Variants in SGCZ observed in about 807,000 individuals in gnomAD.
The protein encoded by SGCZ is zeta-sarcoglycan.
Under a neutral mutation model 41.3 loss-of-function variants are expected in SGCZ, and 40 were observed. That is an observed-to-expected ratio of 0.97 (90% confidence interval 0.75 to 1.26). SGCZ has a LOEUF of 1.26. Ranked by LOEUF, SGCZ falls within the 50% of genes most tolerant of loss-of-function variation. The pLI is 0.00. For synonymous variants in SGCZ, 206 were observed against 137.5 expected, an observed-to-expected ratio of 1.50 and a Z score of -3.49; for missense variants, 552 against 369.8, an observed-to-expected ratio of 1.49 and a Z score of -4.04.
rs117088796 is a variant in SGCZ, at chr8:15,083,799, C to T, written c.39+153786G>A. ...TTTTGAGATGGGGTCTCCCTACGTTCCCCAGGCTGGTCTCTAGCTCTTGGG... is the reference window on the plus strand; with the variant it reads ...TTTTGAGATGGGGTCTCCCTACGTTTCCCAGGCTGGTCTCTAGCTCTTGGG... On this transcript the variant is annotated intron_variant, in intron 1 of 7. Transcript: ENST00000382080. Among the ~76,000 whole-genome samples the T allele has an allele frequency of 8.1e-3, 1,231 of 152,112 alleles. 10 individuals are homozygous for T. The highest frequency in any genetic ancestry group is 0.014 in the Non-Finnish European group (967 of 67,984).
intron 2 of SGCZ, among the ~76,000 whole-genome samples, chr8:14,402,282 CTTGAGTTTAATTAGATCCCA>C (rs772930397): frequency 2.0e-5 from 3 of 151,334 alleles, no homozygotes; most frequent in East Asian, 3.9e-4. Flanking sequence ...TGCAGAAGCT[CTTGAGTTTAATTAGATCCCA>C]TTTGTCAATT....
intron 1 of SGCZ, among the ~76,000 whole-genome samples, chr8:15,150,108 G>C (rs907375103): frequency 3.6e-4 from 55 of 152,178 alleles, no homozygotes; most frequent in African/African-American, 1.2e-3. Flanking sequence ...TGTGGCTTGT[G>C]GATTTTTGAG....
intron 1 of SGCZ, among the ~76,000 whole-genome samples, chr8:14,924,617 G>A (rs978359378): frequency 3.3e-5 from 5 of 151,864 alleles, no homozygotes; most frequent in Admixed American, 1.3e-4. Context: ...AAAAACTAGT[G>A]TTCATGGTGG....
intron 3 of SGCZ, among the ~76,000 whole-genome samples, chr8:14,270,561 T>A (rs1332150935): frequency 1.3e-5 from 2 of 152,130 alleles, no homozygotes; most frequent in Non-Finnish European, 2.9e-5. Context: ...CTTTACTTAT[T>A]CCCTGAAGGG....
intron 2 of SGCZ, among the ~76,000 whole-genome samples, chr8:14,496,257 C>A (rs529665836): frequency 1.3e-5 from 2 of 151,800 alleles, no homozygotes; most frequent in South Asian, 4.2e-4. Flanking sequence ...TTTGGAGAGA[C>A]AAAAATCCAC....
intron 1 of SGCZ, among the ~76,000 whole-genome samples, chr8:15,211,806 T>A (rs752040511): frequency 6.6e-6 from 1 of 152,150 alleles, no homozygotes; most frequent in African/African-American, 2.4e-5. Context: ...CAGACTGATT[T>A]TTTAGTAGGA....
At position 14,449,792 on chromosome 8, in the gene SGCZ, T is replaced by C. The variant is rs184252121; in HGVS notation, c.234+104940A>G. On this transcript the variant is annotated intron_variant, in intron 2 of 7. Transcript: ENST00000382080. ...TTAAACTGAGAACACCTCTACTCTT[T>C]TGGCTTTGGGAACAAAGTACCTGAT... Among the ~76,000 whole-genome samples, 9 of 152,238 alleles carry C rather than the reference T, an allele frequency of 5.9e-5. No individual in the cohort carries two copies. In the East Asian group the frequency reaches 1.2e-3, roughly 20 times the overall value.
intron 1 of SGCZ, among the ~76,000 whole-genome samples, chr8:15,151,380 C>T (rs1372808024): frequency 6.6e-6 from 1 of 152,096 alleles, no homozygotes; most frequent in African/African-American, 2.4e-5. Context: ...ATTTGATATG[C>T]TACAATAGAT....
chr8:14,503,534 T>C (rs943483388), intron 2 of SGCZ, among the ~76,000 whole-genome samples: 14 of 151,620 alleles, frequency 9.2e-5, no homozygotes, highest in African/African-American at 2.7e-4. Flanking sequence ...CTTTAGGAGG[T>C]TGAGGCAGGC....
At chr8:14,551,580 A>ATATATAAT (rs1803859522) in intron 2 of SGCZ, among the ~76,000 whole-genome samples, 2 of 24,542 alleles carry the variant, frequency 8.1e-5, no homozygotes, top group South Asian at 8.9e-4. Context: ...ATATATATAT[A>ATATATAAT]ATATATATAA....
At chr8:15,073,643 T>C (rs942886811) in intron 1 of SGCZ, among the ~76,000 whole-genome samples, 2 of 152,088 alleles carry the variant, frequency 1.3e-5, no homozygotes, top group African/African-American at 4.8e-5. Flanking sequence ...AAGGCTAAGG[T>C]AAGGACTGAA....
chr8:14,268,584 G>A (rs1165848876), intron 3 of SGCZ, among the ~76,000 whole-genome samples: 2 of 151,700 alleles, frequency 1.3e-5, no homozygotes, highest in Non-Finnish European at 2.9e-5. Flanking sequence ...ATTTAAACAA[G>A]TATTGGTTAT....
rs181590458 is a variant in SGCZ at position 15,151,025 on chromosome 8, A to G, written c.39+86560T>C. ...CTAAGTGGTGGACCTATTGGCTTCT[A>G]TCTTACGTTCTATCTCTTTCTCTGA... is the stretch of plus-strand genomic sequence containing the variant. On this transcript the variant is annotated intron_variant, in intron 1 of 7. Transcript: ENST00000382080. Among the ~76,000 whole-genome samples the G allele has an allele frequency of 3.3e-5, 5 of 152,294 alleles. No individual in the cohort carries two copies. In the East Asian group the frequency reaches 9.6e-4, roughly 29 times the overall value.
chr8:14,903,154 G>C (rs897808461), intron 1 of SGCZ, among the ~76,000 whole-genome samples: 1 of 152,014 alleles, frequency 6.6e-6, no homozygotes, highest in East Asian at 1.9e-4. Context: ...TATATCATCT[G>C]CCTCAATGAC....
intron 2 of SGCZ, among the ~76,000 whole-genome samples, chr8:14,387,934 G>C (rs1804633646): frequency 6.6e-6 from 1 of 152,030 alleles, no homozygotes; most frequent in East Asian, 1.9e-4. Flanking sequence ...TGGAATGAAA[G>C]AAATGGAAAG....
chr8:14,931,098 A>G (rs1314005409), intron 1 of SGCZ, among the ~76,000 whole-genome samples: 1 of 152,040 alleles, frequency 6.6e-6, no homozygotes, highest in Non-Finnish European at 1.5e-5. Context: ...ATCTGGTATG[A>G]GGCTTTTAAC....
At chr8:14,605,681 A>G (rs902837711) in intron 1 of SGCZ, among the ~76,000 whole-genome samples, 2 of 152,208 alleles carry the variant, frequency 1.3e-5, no homozygotes, top group Non-Finnish European at 2.9e-5. Flanking sequence ...TTACTATGAA[A>G]GGGAAACCAT....
chr8:14,298,853 A>G (rs932668653), intron 3 of SGCZ, among the ~76,000 whole-genome samples: 2 of 152,108 alleles, frequency 1.3e-5, no homozygotes, highest in African/African-American at 4.8e-5. Context: ...ACATTTTTAT[A>G]TGGAACTAAA....
At chr8:14,666,062 G>A (rs1807900604) in intron 1 of SGCZ, among the ~76,000 whole-genome samples, 3 of 152,280 alleles carry the variant, frequency 2.0e-5, no homozygotes, top group East Asian at 3.9e-4. Context: ...TCTGGCAACT[G>A]AGCAAACATT....
Sources: allele counts gnomAD v4.1 joint callset (sites outside exome capture counted in the v4.1 genomes callset), GRCh38; gene constraint gnomAD v4.1.1; transcripts MANE v1.5; gene names NCBI Gene and HGNC (gene_info 2026-07-23, HGNC 2026-07-21).